The following FILIP1 variants were observed in gnomAD, a reference collection of about 807,000 sequenced individuals.
FILIP1 encodes filamin A interacting protein 1, also known as filamin-A-interacting protein 1.
In FILIP1, 61 loss-of-function variants were observed where a neutral mutation model predicts 102.1. The observed-to-expected ratio is 0.60, with a 90% CI of 0.49 to 0.74. The LOEUF is 0.74. Ranked by LOEUF, FILIP1 falls within the 30% of genes least tolerant of loss-of-function variation. The pLI, the probability that FILIP1 is intolerant of heterozygous loss-of-function variation, is 0.00. For missense variants in FILIP1, 1,314 were observed against 1,441.2 expected, an observed-to-expected ratio of 0.91 and a Z score of 1.43; for synonymous variants, 491 against 526.9, an observed-to-expected ratio of 0.93 and a Z score of 0.93.
In FILIP1 at chr6:75,313,939, T is replaced by C; in HGVS notation, c.1893A>G (p.Glu631=). The C allele has an allele frequency of 6.2e-7, 1 of 1,611,394 alleles. No homozygotes were observed. The change falls in exon 5 of 6, where the codon GAA becomes GAG. Residue 631 remains glutamate, a synonymous_variant. Coordinates refer to ENST00000237172, the MANE Select transcript of FILIP1 (RefSeq NM_015687.5). The surrounding 1 kb of genome is among the most constrained non-coding windows in gnomAD (Gnocchi z 4.2). ...LTCPEDNKIK[E]LTLEIERLKK... is the part of the protein sequence containing the mutation. ...TCAGTCTCTCAATTTCAAGTGTTAG[T>C]TCCTTAATCTTATTATCTTCCGGGC... is the stretch of plus-strand genomic sequence containing the variant.
At chr6:75,372,258 T>G (rs1775544766) in intron 2 of FILIP1, among the ~76,000 whole-genome samples, 1 of 151,122 alleles carries the variant, frequency 6.6e-6, no homozygotes, top group Non-Finnish European at 1.5e-5. Context: ...TCCCAGCTAC[T>G]CGAGAGGCTG....
intron 4 of FILIP1, among the ~76,000 whole-genome samples, chr6:75,342,977 G>GC (rs1019354021): frequency 1.1e-4 from 16 of 152,118 alleles, no homozygotes; most frequent in African/African-American, 3.9e-4. Flanking sequence ...ACTAAATTGT[G>GC]CCCCCCAAAA....
rs1774655001 is a variant in FILIP1, at chr6:75,348,078, CACACACACAT to C, written c.629+5451_629+5460del. On this transcript the variant is annotated intron_variant, in intron 4 of 5. Transcript: ENST00000237172. The stretch of plus-strand genomic sequence containing the variant: ...CATCAGTTATACACACACACACACA[CACACACACAT>C]ACACACACTTTTCCCTCAAATATTT... Among the ~76,000 whole-genome samples, 7 of 151,864 alleles carry C rather than the reference CACACACACAT, an allele frequency of 4.6e-5. No individual in the cohort carries two copies. The South Asian group carries it at 1.5e-3, about 32-fold the overall frequency.
At chr6:75,464,250 T>G (rs1031542144) in intron 1 of FILIP1, among the ~76,000 whole-genome samples, 1 of 152,222 alleles carries the variant, frequency 6.6e-6, no homozygotes, top group African/African-American at 2.4e-5. Context: ...TTCCAGTGAC[T>G]AAAAATAGAT....
intron 2 of FILIP1, among the ~76,000 whole-genome samples, chr6:75,402,761 C>CAA (rs2149673534): frequency 6.6e-6 from 1 of 152,204 alleles, no homozygotes; most frequent in South Asian, 2.1e-4. Context: ...AAAGTAGAAT[C>CAA]ATAGTATTGT....
chr6:75,363,363 C>T (rs1026896510), intron 2 of FILIP1, among the ~76,000 whole-genome samples: 2 of 152,174 alleles, frequency 1.3e-5, no homozygotes, highest in African/African-American at 4.8e-5. Flanking sequence ...CTAGTTATAA[C>T]TTCATGTGTA....
rs1223312113 is a variant in FILIP1 at position 75,456,763 on chromosome 6, T to C, written c.-7+36651A>G. Among the ~76,000 whole-genome samples, 3 of 152,282 alleles carry C rather than the reference T, an allele frequency of 2.0e-5. No individual in the cohort carries two copies. In the East Asian group the frequency reaches 5.8e-4, roughly 29 times the overall value. On this transcript the variant is annotated intron_variant, in intron 1 of 5. Transcript: ENST00000237172. ...TTAGTAGAGACGGGGTTTCACCATG[T>C]TGGCCAGGATGGTCTCGATCTCTTG... is the stretch of plus-strand genomic sequence containing the variant.
intron 4 of FILIP1, among the ~76,000 whole-genome samples, chr6:75,350,369 T>C (rs1325756917): frequency 2.0e-5 from 3 of 151,406 alleles, no homozygotes; most frequent in African/African-American, 7.3e-5. Flanking sequence ...GATGAAAGTA[T>C]CAAAAGCATG....
chr6:75,400,947 C>A (rs1333352907), intron 2 of FILIP1, among the ~76,000 whole-genome samples: 6 of 151,868 alleles, frequency 4.0e-5, no homozygotes, highest in African/African-American at 1.5e-4. Flanking sequence ...ACAAAGAGAG[C>A]AAGGATAGGA....
chr6:75,469,574 G>A (rs1188768003), intron 1 of FILIP1, among the ~76,000 whole-genome samples: 1 of 152,060 alleles, frequency 6.6e-6, no homozygotes, highest in Non-Finnish European at 1.5e-5. Context: ...TAGCTTTTAA[G>A]AATGTGCATT....
chr6:75,378,722 G>C (rs945626131), intron 2 of FILIP1, among the ~76,000 whole-genome samples: 4 of 152,096 alleles, frequency 2.6e-5, no homozygotes, highest in African/African-American at 9.7e-5. Context: ...CCATCAGCTT[G>C]GGTCCCTGAG....
At position 75,488,008 on chromosome 6, in the gene FILIP1, C is replaced by T. The variant is rs904263662; in HGVS notation, c.-7+5406G>A. Among the ~76,000 whole-genome samples the T allele has an allele frequency of 7.9e-5, 12 of 152,112 alleles. 3 individuals are homozygous for T. Among genetic ancestry groups the T allele is most frequent in the Admixed American group, 7.2e-4 (11 of 15,236 alleles). ...AGGGCTCAATTAAAATCAGATCACTCGAGATAATTTCTGCATTAGCTTTAA... is the reference window on the plus strand; with the variant it reads ...AGGGCTCAATTAAAATCAGATCACTTGAGATAATTTCTGCATTAGCTTTAA... On this transcript the variant is annotated intron_variant, in intron 1 of 5. Transcript: ENST00000237172.
intron 1 of FILIP1, among the ~76,000 whole-genome samples, chr6:75,482,620 T>C (rs1779676841): frequency 6.6e-6 from 1 of 152,248 alleles, no homozygotes; most frequent in African/African-American, 2.4e-5. Context: ...TCCCACTTAG[T>C]TATGAATTGG....
At chr6:75,294,227 T>C (rs1019554353) in exon 7 of FILIP1, 1 of 152,174 alleles carries the variant, frequency 6.6e-6, no homozygotes, top group Admixed American at 6.5e-5. Context: ...CTTCTAAAGC[T>C]GAGCACAACC....
chr6:75,353,971 C>CT (rs988814995), intron 3 of FILIP1, among the ~76,000 whole-genome samples: 1 of 151,876 alleles, frequency 6.6e-6, no homozygotes, highest in Non-Finnish European at 1.5e-5. Context: ...AACTTCTTTC[C>CT]TTTTTTGGGG....
chr6:75,430,017 A>G (rs1157985775), intron 1 of FILIP1, among the ~76,000 whole-genome samples: 1 of 152,204 alleles, frequency 6.6e-6, no homozygotes, highest in Non-Finnish European at 1.5e-5. Flanking sequence ...CCCAAATCTC[A>G]TCTTAAATTG....
chr6:75,428,430 C>CAG (rs5877455), intron 1 of FILIP1: 107,565 of 153,990 alleles, frequency 0.7, 38,405 homozygotes, highest in African/African-American at 0.86. Flanking sequence ...TCACCACCTC[C>CAG]AGTTTCTGAA....
chr6:75,319,337 A>G, intron 4 of FILIP1: 1 of 643,898 alleles, frequency 1.6e-6, no homozygotes, highest in Non-Finnish European at 3.0e-6. Context: ...TTTTTGGGCG[A>G]TACTCAGAGC....
intron 4 of FILIP1, among the ~76,000 whole-genome samples, chr6:75,338,578 T>C (rs1774318007): frequency 6.6e-6 from 1 of 152,252 alleles, no homozygotes; most frequent in Admixed American, 6.5e-5. Flanking sequence ...GAAAACAATG[T>C]AGTTATTCAC....
Sources: gnomAD v4.1 joint callset for allele counts (sites outside exome capture counted in the v4.1 genomes callset) on GRCh38, gnomAD v4.1.1 for gene constraint, Gnocchi (gnomAD v3.1) non-coding constraint, MANE v1.5 for transcripts, NCBI Gene and HGNC (gene_info 2026-07-23, HGNC 2026-07-21) for gene names.